MCM8: variants seen among roughly 807,000 people sequenced by gnomAD.
The protein encoded by MCM8 is DNA helicase MCM8.
In MCM8, 85 loss-of-function variants were observed where a neutral mutation model predicts 98.9. That is an observed-to-expected ratio of 0.86 (90% CI 0.72 to 1.03). The LOEUF (loss-of-function observed/expected upper bound fraction) is 1.03, where lower values mean the gene tolerates loss of function less well. Ranked by LOEUF, MCM8 falls within the 50% of genes least tolerant of loss-of-function variation. MCM8 has a pLI of 0.00. For synonymous variants in MCM8, 352 were observed against 338.6 expected, an observed-to-expected ratio of 1.04 and a Z score of -0.44; for missense variants, 951 against 997.8, an observed-to-expected ratio of 0.95 and a Z score of 0.63.
chr20:5,987,697 A>G (rs1001200271), intron 17 of MCM8, among the ~76,000 whole-genome samples: 1 of 152,210 alleles, frequency 6.6e-6, no homozygotes, highest in Non-Finnish European at 1.5e-5. Context: ...AATTTTAACA[A>G]TATATCCAGA....
At position 5,994,474 on chromosome 20, in the gene MCM8, GACAGACACACACACACACACAC is replaced by G; in HGVS notation, c.*87_*108del. The stretch of plus-strand genomic sequence containing the variant: ...GAAGATATGCGTGCACGCACAGACA[GACAGACACACACACACACACAC>G]ACACACACACACACACACACACACA... On this transcript the variant is annotated 3_prime_UTR_variant, in exon 19 of 19. Transcript: ENST00000610722. 1 of 527,244 alleles carries G rather than the reference GACAGACACACACACACACACAC, an allele frequency of 1.9e-6. No homozygotes were observed. Among genetic ancestry groups the G allele is most frequent in the East Asian group, 3.3e-5 (1 of 29,910 alleles). 32.7% of individuals were successfully genotyped at this position (527,244 alleles called of 1,614,324 possible). A position where few individuals can be genotyped will look rare whatever the true frequency, so the allele number is the denominator to read the frequency against.
chr20:5,962,195 A>C (rs2089161170), intron 7 of MCM8, among the ~76,000 whole-genome samples: 1 of 152,142 alleles, frequency 6.6e-6, no homozygotes, highest in Admixed American at 6.5e-5. Flanking sequence ...GGCTGCTGAC[A>C]GGTTCAGGTC....
At chr20:5,978,551 G>C (rs2089563273) in intron 13 of MCM8, among the ~76,000 whole-genome samples, 1 of 152,120 alleles carries the variant, frequency 6.6e-6, no homozygotes. Flanking sequence ...GGAGATTACA[G>C]GTGTTACTTT....
chr20:5,987,435 C>T, intron 17 of MCM8, 77 bp downstream of exon 17: 1 of 1,211,824 alleles, frequency 8.3e-7, no homozygotes, highest in Middle Eastern at 2.3e-4. Context: ...TAGGCCAAGG[C>T]TACTTTTATT....
At chr20:5,971,854 T>G (rs2089410043) in intron 10 of MCM8, among the ~76,000 whole-genome samples, 153 bp from the exon 11 acceptor site, 1 of 152,194 alleles carries the variant, frequency 6.6e-6, no homozygotes, top group Non-Finnish European at 1.5e-5. Context: ...CTTTGAGAAA[T>G]GTACTGTAAG....
At chr20:5,988,461 CA>C (rs112221879) in intron 17 of MCM8, among the ~76,000 whole-genome samples, 119 of 138,832 alleles carry the variant, frequency 8.6e-4, no homozygotes, top group Non-Finnish European at 8.4e-4. Flanking sequence ...GACTCTGTCT[CA>C]AAAAAAAAAA....
chr20:5,989,105 A>G (rs781198916), intron 17 of MCM8, among the ~76,000 whole-genome samples: 63 of 146,356 alleles, frequency 4.3e-4, no homozygotes, highest in Non-Finnish European at 8.2e-4. Flanking sequence ...ACTGTTTACT[A>G]TCAATAGCGC....
In MCM8 at chr20:5,954,673, A is replaced by G. The variant is rs771347448; in HGVS notation, c.319A>G (p.Ile107Val). The G allele has an allele frequency of 7.5e-6, 12 of 1,594,760 alleles. No individual in the cohort carries two copies. In the Admixed American group the frequency reaches 1.5e-4, roughly 20 times the overall value. ...QAFEKFFTRH[I>V]DLYDKDEIER... The stretch of plus-strand genomic sequence containing the variant: ...ATTTGAAAAATTTTTCACAAGGCAT[A>G]TTGATTTGTATGACAAGGTAAGATT... The change falls in exon 4 of 19, where the codon ATT becomes GTT. Residue 107 changes from isoleucine to valine, a missense_variant. Coordinates refer to ENST00000610722, the MANE Select transcript of MCM8 (RefSeq NM_032485.6).
chr20:5,968,143 C>T (rs2089319416), intron 10 of MCM8, 118 bp downstream of exon 10: 2 of 707,236 alleles, frequency 2.8e-6, no homozygotes, highest in South Asian at 2.1e-5. Context: ...GTACCAAATA[C>T]AGTACTCCAT....
In MCM8 at chr20:5,982,996, A is replaced by G. The variant is rs2089658681; in HGVS notation, c.1564A>G (p.Lys522Glu). The change falls in exon 14 of 19, where the codon AAG becomes GAG. Residue 522 changes from lysine (K) to glutamate (E), a missense_variant. Transcript: ENST00000610722. ...TATTTGTGGAATCGATGAATTTGATAAGATGGGGAATCAACATCAAGCCTT... is the reference window on the plus strand; with the variant it reads ...TATTTGTGGAATCGATGAATTTGATGAGATGGGGAATCAACATCAAGCCTT... ...QGICGIDEFD[K>E]MGNQHQALLE... The G allele has an allele frequency of 2.2e-5, 35 of 1,611,708 alleles. No homozygotes were observed. In the East Asian group the frequency reaches 7.6e-4, roughly 35 times the overall value.
chr20:5,973,280 G>T, intron 12 of MCM8, 84 bp downstream of exon 12: 1 of 1,546,940 alleles, frequency 6.5e-7, no homozygotes, highest in Non-Finnish European at 8.9e-7. Context: ...AAAGCATGTA[G>T]TGTGTGTGTT....
intron 5 of MCM8, among the ~76,000 whole-genome samples, chr20:5,955,545 T>C (rs2088956392): frequency 6.6e-6 from 1 of 152,170 alleles, no homozygotes; most frequent in Non-Finnish European, 1.5e-5. Context: ...TTTCAAGAAG[T>C]TATACAATCT....
intron 16 of MCM8, 59 bp downstream of exon 16, chr20:5,986,190 C>A: frequency 6.7e-7 from 1 of 1,490,596 alleles, no homozygotes; most frequent in Non-Finnish European, 9.3e-7. Flanking sequence ...TGTGCCTTGA[C>A]TTCTCTTTTG....
In MCM8 at chr20:5,996,898, C is replaced by T. The variant is rs547459560; in HGVS notation, c.*2507C>T. 1 of 152,384 alleles carries T rather than the reference C, an allele frequency of 6.6e-6. No individual in the cohort carries two copies. Among genetic ancestry groups the T allele is most frequent in the African/African-American group, 2.4e-5 (1 of 41,576 alleles). The allele number at this position is 152,384 out of a possible 1,614,324, so 9.4% of individuals were successfully genotyped here. A position where few individuals can be genotyped will look rare whatever the true frequency, so the allele number is the denominator to read the frequency against. ...ACAAACCCCAACATATAGTATTTCA[C>T]TTCCTGCCCAATAGTGGGTGTCCCC... On this transcript the variant is annotated 3_prime_UTR_variant, in exon 19 of 19. Coordinates refer to ENST00000610722, the MANE Select transcript of MCM8 (RefSeq NM_032485.6).
intron 8 of MCM8, among the ~76,000 whole-genome samples, chr20:5,964,150 T>G (rs2089222507): frequency 6.6e-6 from 1 of 151,896 alleles, no homozygotes; most frequent in East Asian, 1.9e-4. Context: ...AGTCAGAGTT[T>G]TCTTTGTGTA....
intron 10 of MCM8, among the ~76,000 whole-genome samples, chr20:5,971,668 A>T (rs922983488): frequency 1.3e-5 from 2 of 152,234 alleles, no homozygotes; most frequent in Admixed American, 1.3e-4. Flanking sequence ...CTGTTCACAT[A>T]AAATACAATA....
At chr20:5,953,683 T>C (rs569729203) in intron 3 of MCM8, among the ~76,000 whole-genome samples, 4 of 151,828 alleles carry the variant, frequency 2.6e-5, no homozygotes, top group Non-Finnish European at 5.9e-5. Flanking sequence ...CCGTGTTAGC[T>C]AGGATGGTCT....
At position 5,952,499 on chromosome 20, in the gene MCM8, A is replaced by G. The variant is rs2088860020; in HGVS notation, c.224A>G (p.Tyr75Cys). ...MQSTLDRFIP[Y>C]KGWKLYFSEV... ...TCAACATTGGATCGATTCATACCAT[A>G]TAAAGGCTGGAAGCTTTATTTCTCT... is the stretch of plus-strand genomic sequence containing the variant. Residue 75 changes from tyrosine to cysteine, a missense_variant, in exon 3 of 19, where the codon TAT becomes TGT. By Grantham distance (194) the Tyr-to-Cys change is radical (BLOSUM62 -2). Transcript: ENST00000610722. 1.2e-6 allele frequency: 2 copies of G among 1,613,920 alleles called. No individual in the cohort carries two copies. The highest frequency in any genetic ancestry group is 2.2e-5 in the East Asian group (1 of 44,864).
At chr20:5,962,068 G>A (rs1238562186) in intron 7 of MCM8, among the ~76,000 whole-genome samples, 1 of 152,232 alleles carries the variant, frequency 6.6e-6, no homozygotes, top group East Asian at 1.9e-4. Context: ...GATGGTGGCT[G>A]GAGTACAGCA....
Sources: allele counts gnomAD v4.1 joint callset (sites outside exome capture counted in the v4.1 genomes callset), GRCh38; gene constraint gnomAD v4.1.1; transcripts MANE v1.5; gene names NCBI Gene and HGNC (gene_info 2026-07-23, HGNC 2026-07-21).